Variants in MTHFD1L observed in about 807,000 individuals in gnomAD.
The protein encoded by MTHFD1L is methylenetetrahydrofolate dehydrogenase (NADP+ dependent) 1 like.
Under a neutral mutation model 119.5 loss-of-function variants are expected in MTHFD1L, and 81 were observed. That is an observed-to-expected ratio of 0.68 (90% CI 0.57 to 0.82). MTHFD1L has a LOEUF of 0.82. Among genes scored for constraint, MTHFD1L ranks in the 40% least tolerant of loss-of-function variants. The pLI, the probability that MTHFD1L is intolerant of heterozygous loss-of-function variation, is 0.00. For synonymous variants in MTHFD1L, 430 were observed against 475.2 expected (o/e 0.90, Z 1.24); for missense variants, 1,125 against 1,253.4 (o/e 0.90, Z 1.55).
chr6:151,036,627 G>A (rs568168871), intron 25 of MTHFD1L, among the ~76,000 whole-genome samples: 10 of 152,232 alleles, frequency 6.6e-5, no homozygotes, highest in African/African-American at 1.9e-4. Context: ...GCTGGGTCCC[G>A]GATATTAATA....
intron 1 of MTHFD1L, among the ~76,000 whole-genome samples, chr6:150,873,645 C>T (rs1482577934): frequency 2.0e-5 from 3 of 152,048 alleles, no homozygotes; most frequent in African/African-American, 4.8e-5. Flanking sequence ...CACTGAGACA[C>T]GTTGAATCAG....
chr6:150,992,113 T>G (rs1779135326), intron 20 of MTHFD1L, among the ~76,000 whole-genome samples: 2 of 152,186 alleles, frequency 1.3e-5, no homozygotes, highest in Non-Finnish European at 1.5e-5. Flanking sequence ...ATACCACTTT[T>G]CTGAAGTCGA....
intron 5 of MTHFD1L, among the ~76,000 whole-genome samples, chr6:150,885,002 G>C (rs1781995844): frequency 6.6e-6 from 1 of 152,084 alleles, no homozygotes; most frequent in Admixed American, 6.6e-5. Context: ...GTCCATTGGG[G>C]TCCATTGAAA....
intron 20 of MTHFD1L, among the ~76,000 whole-genome samples, chr6:151,005,582 C>T (rs1287312661): frequency 6.6e-6 from 1 of 152,056 alleles, no homozygotes; most frequent in Non-Finnish European, 1.5e-5. Context: ...CAATTGGTCT[C>T]TTTTTAAAAA....
chr6:151,032,710 CA>C (rs1396322094), intron 24 of MTHFD1L, among the ~76,000 whole-genome samples: 1 of 152,208 alleles, frequency 6.6e-6, no homozygotes, highest in Non-Finnish European at 1.5e-5. Flanking sequence ...CATCCATGAG[CA>C]AACTATTTTC....
intron 20 of MTHFD1L, among the ~76,000 whole-genome samples, chr6:151,002,808 C>T (rs77240101): frequency 0.031 from 4,723 of 152,292 alleles, 213 homozygotes; most frequent in Admixed American, 0.14. Flanking sequence ...GTCTAGAAAG[C>T]GCCAGGCTCC....
At chr6:150,975,158 A>T (rs935804694) in intron 20 of MTHFD1L, among the ~76,000 whole-genome samples, 3 of 152,222 alleles carry the variant, frequency 2.0e-5, no homozygotes, top group African/African-American at 7.2e-5. Context: ...CTTATGAATA[A>T]TGCTGCTATG....
At chr6:151,014,693 G>C (rs758406543) in intron 22 of MTHFD1L, among the ~76,000 whole-genome samples, 187 bp from the exon 23 acceptor site, 15 of 152,212 alleles carry the variant, frequency 9.9e-5, no homozygotes, top group Non-Finnish European at 1.6e-4. Flanking sequence ...ATATGCCATT[G>C]GATCCAGAAT....
chr6:151,094,076 C>A (rs1299036582), intron 27 of MTHFD1L, among the ~76,000 whole-genome samples: 1 of 152,168 alleles, frequency 6.6e-6, no homozygotes, highest in Admixed American at 6.5e-5. Context: ...TAATCAGAAG[C>A]TTGAAAGGCT....
intron 27 of MTHFD1L, among the ~76,000 whole-genome samples, chr6:151,096,440 A>G (rs1794903973): frequency 6.6e-6 from 1 of 152,186 alleles, no homozygotes; most frequent in Admixed American, 6.5e-5. Context: ...TAAAACCACT[A>G]TACAAAGCAA....
intron 19 of MTHFD1L, among the ~76,000 whole-genome samples, chr6:150,965,537 T>C (rs1016813795): frequency 2.0e-5 from 3 of 152,038 alleles, no homozygotes; most frequent in African/African-American, 7.2e-5. Context: ...GGCACACACC[T>C]GTAGTCCCAG....
At chr6:151,021,538 ACT>A (rs1159964352) in intron 24 of MTHFD1L, among the ~76,000 whole-genome samples, 4 of 152,100 alleles carry the variant, frequency 2.6e-5, no homozygotes, top group African/African-American at 9.7e-5. Flanking sequence ...ACAGAGTTAG[ACT>A]CTGTCTCAAA....
At chr6:150,921,287 T>G (rs1788888168) in intron 9 of MTHFD1L, among the ~76,000 whole-genome samples, 1 of 151,818 alleles carries the variant, frequency 6.6e-6, no homozygotes, top group Admixed American at 6.6e-5. Flanking sequence ...ACCCAGCTAA[T>G]TTTGTATTTT....
chr6:151,094,170 T>G (rs1390050980), intron 27 of MTHFD1L, among the ~76,000 whole-genome samples: 3 of 152,188 alleles, frequency 2.0e-5, no homozygotes. Flanking sequence ...GCACCCCGCC[T>G]CCTTCTCCCC....
At chr6:151,002,110 A>G (rs369894643) in intron 20 of MTHFD1L, among the ~76,000 whole-genome samples, 9 of 152,208 alleles carry the variant, frequency 5.9e-5, no homozygotes, top group African/African-American at 2.2e-4. Context: ...TGAAGTACCA[A>G]GTGTTAAGAT....
rs1778217497 is a variant in MTHFD1L, at chr6:150,865,932, G to A, written c.110G>A (p.Gly37Glu). The A allele has an allele frequency of 1.6e-6, 2 of 1,212,428 alleles. No homozygotes were observed. Among genetic ancestry groups the A allele is most frequent in the South Asian group, 4.0e-5 (1 of 24,982 alleles). 75.1% of individuals were successfully genotyped at this position (1,212,428 alleles called of 1,614,324 possible). ...VPCRASSGGG[G>E]GGGGGREGLL... Reference sequence around the variant, plus strand: ...TGTCGCGCTAGCAGCGGCGGCGGCGGAGGCGGCGGCGGTGGCCGGGAGGGC... The same window carrying A: ...TGTCGCGCTAGCAGCGGCGGCGGCGAAGGCGGCGGCGGTGGCCGGGAGGGC... The change falls in exon 1 of 28, where the codon GGA becomes GAA. Residue 37 changes from glycine (G) to glutamate (E), a missense_variant. This residue lies in a region of MTHFD1L where 1,058 missense variants were observed against 1,151.2 expected (regional missense o/e 0.92). Coordinates refer to ENST00000367321, the MANE Select transcript of MTHFD1L (RefSeq NM_015440.5).
chr6:150,992,015 G>A (rs193235795), intron 20 of MTHFD1L, among the ~76,000 whole-genome samples: 96 of 152,310 alleles, frequency 6.3e-4, no homozygotes, highest in African/African-American at 2.2e-3. Context: ...AGTTAGTATA[G>A]TTTCTAATCC....
chr6:150,900,753 C>T (rs868574644), intron 7 of MTHFD1L, among the ~76,000 whole-genome samples: 3 of 152,182 alleles, frequency 2.0e-5, no homozygotes, highest in African/African-American at 7.2e-5. Flanking sequence ...CGGTGGCTCA[C>T]GCCTGTAATC....
At position 150,865,718 on chromosome 6, in the gene MTHFD1L, C is replaced by G. The variant is rs1252197416; in HGVS notation, c.-105C>G. 2.9e-5 allele frequency: 26 copies of G among 904,290 alleles called. No homozygotes were observed. The South Asian group carries it at 6.1e-4, about 21-fold the overall frequency. 56.0% of individuals were successfully genotyped at this position (904,290 alleles called of 1,614,324 possible). A position where few individuals can be genotyped will look rare whatever the true frequency, so the allele number is the denominator to read the frequency against. On this transcript the variant is annotated 5_prime_UTR_variant, in exon 1 of 28. Coordinates refer to ENST00000367321, the MANE Select transcript of MTHFD1L (RefSeq NM_015440.5). ...TGGGACGAGGAGGAAGCGCCAGGTCCTTCCCGCCGCCGCCGCCGCCGCCGC... is the reference window on the plus strand; with the variant it reads ...TGGGACGAGGAGGAAGCGCCAGGTCGTTCCCGCCGCCGCCGCCGCCGCCGC...
Sources: allele counts gnomAD v4.1 joint callset (sites outside exome capture counted in the v4.1 genomes callset), GRCh38; gene constraint gnomAD v4.1.1; regional missense constraint gnomAD v4.1.1; transcripts MANE v1.5; gene names NCBI Gene and HGNC (gene_info 2026-07-23, HGNC 2026-07-21).